Variants in GRM8 observed in about 807,000 individuals in gnomAD.
GRM8 encodes the protein metabotropic glutamate receptor 8.
In GRM8, 47 loss-of-function variants were observed where a neutral mutation model predicts 87.2. The ratio of observed to expected loss-of-function variants is 0.54; its 90% CI spans 0.43 to 0.69. GRM8 has a LOEUF of 0.69. Ranked by LOEUF, GRM8 falls within the 30% of genes least tolerant of loss-of-function variation. GRM8 has a pLI of 0.00. For missense variants in GRM8, 1,019 were observed against 1,139.2 expected (o/e 0.89, Z 1.52); for synonymous variants, 396 against 404.5 (o/e 0.98, Z 0.25).
At chr7:127,202,130 T>C (rs889444922) in intron 2 of GRM8, among the ~76,000 whole-genome samples, 2 of 152,166 alleles carry the variant, frequency 1.3e-5, no homozygotes, top group African/African-American at 4.8e-5. Context: ...CACCATCAGT[T>C]CTACCTTATA....
intron 8 of GRM8, among the ~76,000 whole-genome samples, chr7:126,536,443 C>G (rs1355359123): frequency 6.6e-6 from 1 of 152,126 alleles, no homozygotes; most frequent in African/African-American, 2.4e-5. Context: ...AAAGTAGATG[C>G]TACTTCATCT....
chr7:127,077,390 T>C (rs934166328), intron 3 of GRM8, among the ~76,000 whole-genome samples: 1 of 152,230 alleles, frequency 6.6e-6, no homozygotes, highest in African/African-American at 2.4e-5. Context: ...TTGTTCTTCA[T>C]GTGCATCCAT....
intron 3 of GRM8, among the ~76,000 whole-genome samples, chr7:127,044,367 A>C (rs1165107200): frequency 6.6e-6 from 1 of 152,150 alleles, no homozygotes; most frequent in Non-Finnish European, 1.5e-5. Flanking sequence ...TGGGTGGCTA[A>C]CACACCTTGC....
intron 9 of GRM8, among the ~76,000 whole-genome samples, chr7:126,470,771 T>C (rs1419765535): frequency 1.3e-5 from 2 of 152,154 alleles, no homozygotes; most frequent in Admixed American, 6.6e-5. Flanking sequence ...GCCACACTGA[T>C]TTCCACAATG....
chr7:126,987,805 A>G (rs1812262695), intron 3 of GRM8, among the ~76,000 whole-genome samples: 1 of 152,202 alleles, frequency 6.6e-6, no homozygotes, highest in South Asian at 2.1e-4. Flanking sequence ...ACCTGAGCAG[A>G]CAAAGCATGA....
chr7:126,799,401 G>A (rs889765144), intron 6 of GRM8, among the ~76,000 whole-genome samples: 7 of 152,062 alleles, frequency 4.6e-5, no homozygotes, highest in Admixed American at 2.6e-4. Context: ...GGAGCATGTT[G>A]GTCTGATGAA....
At chr7:126,535,997 T>C (rs928965001) in intron 8 of GRM8, among the ~76,000 whole-genome samples, 1 of 152,342 alleles carries the variant, frequency 6.6e-6, no homozygotes, top group East Asian at 1.9e-4. Flanking sequence ...GAATTTCTGA[T>C]TTACGGAAAT....
intron 7 of GRM8, among the ~76,000 whole-genome samples, chr7:126,707,841 G>GTCAAT (rs1810695403): frequency 6.6e-6 from 1 of 152,072 alleles, no homozygotes; most frequent in Admixed American, 6.6e-5. Context: ...TCTTGACAAT[G>GTCAAT]GTTTTTTGGC....
chr7:127,199,586 C>G lies in GRM8; in HGVS notation c.510+43109G>C, dbSNP rs1795480882. Among the ~76,000 whole-genome samples, 4 of 152,304 alleles carry G rather than the reference C, an allele frequency of 2.6e-5. No individual in the cohort carries two copies. The South Asian group carries it at 8.3e-4, about 32-fold the overall frequency. ...TTCAGGATTACAACCACCCCAGTTC[C>G]CTGCATTGTTTGTGCTATATCATGA... On this transcript the variant is annotated intron_variant, in intron 2 of 10. Transcript: ENST00000339582.
chr7:126,650,121 C>CA (rs1464550777), intron 7 of GRM8, among the ~76,000 whole-genome samples: 1 of 152,214 alleles, frequency 6.6e-6, no homozygotes, highest in Non-Finnish European at 1.5e-5. Context: ...AACTGCCTAT[C>CA]ATGAACTGGG....
chr7:126,993,178 G>T (rs549083096), intron 3 of GRM8, among the ~76,000 whole-genome samples: 54 of 152,104 alleles, frequency 3.6e-4, no homozygotes, highest in African/African-American at 1.3e-3. Context: ...TATGACCCAA[G>T]AATTCCATTT....
rs1196188530 is a variant in GRM8, at chr7:127,015,240, AG to A, written c.727+91255del. Among the ~76,000 whole-genome samples the A allele has an allele frequency of 6.2e-3, 818 of 132,210 alleles. 34 individuals carry two copies. Among genetic ancestry groups the A allele is most frequent in the East Asian group, 0.019 (73 of 3,934 alleles). 86.7% of individuals were successfully genotyped at this position (132,210 alleles called of 152,430 possible). A position where few individuals can be genotyped will look rare whatever the true frequency, so the allele number is the denominator to read the frequency against. ...AAGAAGAAGAAGAAGAAGAAGAAGA[AG>A]AAGAAGAAGAAGAAGAAGAAAAGAG... On this transcript the variant is annotated intron_variant, in intron 3 of 10. Transcript: ENST00000339582.
chr7:126,657,448 T>C (rs1804650068), intron 7 of GRM8, among the ~76,000 whole-genome samples: 1 of 152,138 alleles, frequency 6.6e-6, no homozygotes, highest in African/African-American at 2.4e-5. Context: ...ACAATTCCAA[T>C]TTACAAACAA....
intron 7 of GRM8, among the ~76,000 whole-genome samples, chr7:126,632,079 T>C (rs13304146): frequency 6.6e-6 from 1 of 152,134 alleles, no homozygotes; most frequent in South Asian, 2.1e-4. Context: ...AAAACTATCA[T>C]CAGAGCAAAC....
In GRM8 at chr7:126,976,322, G is replaced by A. The variant is rs138998422; in HGVS notation, c.728-71639C>T. Among the ~76,000 whole-genome samples the A allele has an allele frequency of 5.3e-5, 8 of 152,242 alleles. 1 individual carries two copies. In the East Asian group the frequency reaches 1.3e-3, roughly 26 times the overall value. On this transcript the variant is annotated intron_variant, in intron 3 of 10. Transcript: ENST00000339582. ...GGAACATACAAAGTATTGGCCGGGC[G>A]CAGTGGCTCACGCCTATAATCCCAG...
rs180774640 is a variant in GRM8, at chr7:127,144,295, T to G, written c.511-37583A>C. Among the ~76,000 whole-genome samples the G allele has an allele frequency of 5.9e-5, 9 of 152,196 alleles. No individual in the cohort carries two copies. The East Asian group carries it at 9.7e-4, about 16-fold the overall frequency. Reference sequence around the variant, plus strand: ...TAAGTTCTTTAAACTTGAAGCTCAGTAGGAGCAAAGAGCTATGTCTATTCC... The same window carrying G: ...TAAGTTCTTTAAACTTGAAGCTCAGGAGGAGCAAAGAGCTATGTCTATTCC... On this transcript the variant is annotated intron_variant, in intron 2 of 10. Transcript: ENST00000339582.
At chr7:126,829,950 C>T (rs968178653) in intron 6 of GRM8, among the ~76,000 whole-genome samples, 35 of 151,960 alleles carry the variant, frequency 2.3e-4, no homozygotes, top group Non-Finnish European at 4.4e-4. Context: ...TTTATTTCTC[C>T]TTCACTTATG....
intron 7 of GRM8, among the ~76,000 whole-genome samples, chr7:126,733,601 C>T (rs1813857162): frequency 6.6e-6 from 1 of 151,538 alleles, no homozygotes; most frequent in African/African-American, 2.4e-5. Flanking sequence ...ATCAAAGAAG[C>T]ATTTATTCCA....
intron 3 of GRM8, among the ~76,000 whole-genome samples, chr7:126,939,515 G>GA (rs974019143): frequency 1.3e-5 from 2 of 152,154 alleles, no homozygotes; most frequent in African/African-American, 2.4e-5. Context: ...ACTATGCCTA[G>GA]AAAGAGTAAG....
Sources: gnomAD v4.1 joint callset for allele counts (sites outside exome capture counted in the v4.1 genomes callset) on GRCh38, gnomAD v4.1.1 for gene constraint, MANE v1.5 for transcripts, NCBI Gene and HGNC (gene_info 2026-07-23, HGNC 2026-07-21) for gene names.